Variants in DLG2 observed in about 807,000 individuals in gnomAD.
DLG2 encodes discs large MAGUK scaffold protein 2, also known as disks large homolog 2.
In DLG2, 45 loss-of-function variants were observed where a neutral mutation model predicts 132.5. The observed-to-expected ratio is 0.34, with a 90% CI of 0.27 to 0.44. The LOEUF is 0.44. DLG2 is among the 20% of genes least tolerant of loss of function. The probability of loss-of-function intolerance (pLI) is 1.00; values close to 1 mark genes in which losing one functional copy is unlikely to be tolerated. For missense variants in DLG2, 1,045 were observed against 1,196.9 expected (o/e 0.87, Z 1.87); for synonymous variants, 424 against 419.6 (o/e 1.01, Z -0.13).
chr11:83,730,087 C>T (rs1396518431), intron 18 of DLG2, among the ~76,000 whole-genome samples: 3 of 149,212 alleles, frequency 2.0e-5, no homozygotes, highest in Non-Finnish European at 3.0e-5. Context: ...ATAGATATTG[C>T]TACTCAGGGT....
At position 85,111,668 on chromosome 11, in the gene DLG2, T is replaced by TACA; in HGVS notation, c.349_350insTGT (p.His117delinsLeuTyr). 6.4e-7 allele frequency: 1 copy of TACA among 1,561,222 alleles called. No individual in the cohort carries two copies. The highest frequency in any genetic ancestry group is 1.2e-5 in the South Asian group (1 of 84,458). On this transcript the variant is annotated protein_altering_variant, in exon 6 of 28. Transcript: ENST00000376104. ...TGGAATAATCAAACTTACAGTACAG[T>TACA]GGTGGACAGGCATCCAAGCAGGGGC...
intron 16 of DLG2, among the ~76,000 whole-genome samples, chr11:83,847,051 G>A (rs888574188): frequency 1.3e-5 from 2 of 149,550 alleles, no homozygotes; most frequent in African/African-American, 2.5e-5. Context: ...ACAACAATTT[G>A]CTTTTGCTCC....
intron 3 of DLG2, among the ~76,000 whole-genome samples, chr11:85,295,801 C>T (rs543832331): frequency 6.6e-6 from 1 of 152,256 alleles, no homozygotes; most frequent in Non-Finnish European, 1.5e-5. Context: ...GATATTTTAA[C>T]TAATCTCAAT....
At chr11:84,703,831 A>C (rs2059449521) in intron 6 of DLG2, among the ~76,000 whole-genome samples, 1 of 140,754 alleles carries the variant, frequency 7.1e-6, no homozygotes, top group Admixed American at 7.1e-5. Context: ...TTAGCTTAGA[A>C]AATAATGCTA....
At chr11:84,232,497 T>C (rs1274747876) in intron 8 of DLG2, among the ~76,000 whole-genome samples, 1 of 152,192 alleles carries the variant, frequency 6.6e-6, no homozygotes, top group African/African-American at 2.4e-5. Flanking sequence ...AAAATTCATA[T>C]ACTGAAATCC....
chr11:84,573,444 T>C (rs911855744), intron 6 of DLG2, among the ~76,000 whole-genome samples: 1 of 152,312 alleles, frequency 6.6e-6, no homozygotes. Flanking sequence ...GGAATCACTG[T>C]ATACATCAAT....
At chr11:85,305,607 G>C (rs554599511) in intron 3 of DLG2, among the ~76,000 whole-genome samples, 69 of 152,170 alleles carry the variant, frequency 4.5e-4, no homozygotes, top group African/African-American at 1.6e-3. Flanking sequence ...CCGCCTCCCG[G>C]GTTTACTCCA....
chr11:85,209,772 T>C (rs1017408214), intron 4 of DLG2, among the ~76,000 whole-genome samples: 1 of 151,866 alleles, frequency 6.6e-6, no homozygotes, highest in Admixed American at 6.6e-5. Context: ...AATTCATTTA[T>C]ATAATCCAAA....
chr11:84,076,234 G>A (rs1036731284), intron 10 of DLG2, among the ~76,000 whole-genome samples: 4 of 152,124 alleles, frequency 2.6e-5, no homozygotes, highest in Admixed American at 2.0e-4. Context: ...TATTAAAGGA[G>A]GCCATAGGCA....
intron 6 of DLG2, among the ~76,000 whole-genome samples, chr11:84,726,778 G>A (rs1459142767): frequency 2.6e-5 from 4 of 152,130 alleles, no homozygotes; most frequent in Non-Finnish European, 5.9e-5. Flanking sequence ...AGCATCTGTT[G>A]TTTCCTGACT....
chr11:85,369,767 C>T (rs1479326400), intron 3 of DLG2, among the ~76,000 whole-genome samples: 2 of 152,154 alleles, frequency 1.3e-5, no homozygotes, highest in African/African-American at 2.4e-5. Flanking sequence ...TCTTAAAGGA[C>T]ACCACAACCA....
chr11:85,133,823 C>T (rs2075928657), intron 5 of DLG2, among the ~76,000 whole-genome samples: 1 of 152,172 alleles, frequency 6.6e-6, no homozygotes, highest in Admixed American at 6.5e-5. Flanking sequence ...AAATGATTAG[C>T]ACTCTCCCCT....
intron 4 of DLG2, among the ~76,000 whole-genome samples, chr11:85,172,718 A>G (rs2078961487): frequency 6.6e-6 from 1 of 152,224 alleles, no homozygotes; most frequent in African/African-American, 2.4e-5. Context: ...AAAGAAGGTA[A>G]GAATCATGAT....
chr11:85,426,109 G>A (rs918953936), intron 3 of DLG2, among the ~76,000 whole-genome samples: 3 of 152,230 alleles, frequency 2.0e-5, no homozygotes, highest in South Asian at 2.1e-4. Context: ...CGCCATTGCC[G>A]AGGCTTGAGT....
intron 7 of DLG2, among the ~76,000 whole-genome samples, chr11:84,453,015 G>A (rs778459228): frequency 9.9e-5 from 15 of 151,030 alleles, no homozygotes; most frequent in South Asian, 2.1e-4. Context: ...TTATATGAAC[G>A]TATCAGATTA....
intron 6 of DLG2, among the ~76,000 whole-genome samples, chr11:84,626,395 G>C (rs1232642587): frequency 6.6e-6 from 1 of 152,164 alleles, no homozygotes; most frequent in Non-Finnish European, 1.5e-5. Flanking sequence ...CAGGAAGTGG[G>C]AAGGTCTATG....
chr11:85,593,821 A>G (rs1420853947), intron 3 of DLG2, among the ~76,000 whole-genome samples: 1 of 152,152 alleles, frequency 6.6e-6, no homozygotes, highest in African/African-American at 2.4e-5. Context: ...CTCAAACTAA[A>G]ACTCTTATAC....
intron 4 of DLG2, among the ~76,000 whole-genome samples, chr11:85,163,951 A>G (rs1347218052): frequency 1.3e-5 from 2 of 152,172 alleles, no homozygotes; most frequent in Non-Finnish European, 2.9e-5. Flanking sequence ...AAAAATATGA[A>G]ACTCAAATAA....
chr11:85,022,877 C>T (rs2060202598), intron 6 of DLG2, among the ~76,000 whole-genome samples: 1 of 152,024 alleles, frequency 6.6e-6, no homozygotes, highest in South Asian at 2.1e-4. Context: ...GTATTAGCAA[C>T]ATTCACTGCA....
Sources: allele counts gnomAD v4.1 joint callset (sites outside exome capture counted in the v4.1 genomes callset), GRCh38; gene constraint gnomAD v4.1.1; transcripts MANE v1.5; gene names NCBI Gene and HGNC (gene_info 2026-07-23, HGNC 2026-07-21).